Variants in MSR1 observed in about 807,000 individuals in gnomAD.
The protein encoded by MSR1 is macrophage scavenger receptor types I and II.
MSR1 carries 53 observed loss-of-function variants against 47.2 expected under a neutral mutation model. That is an observed-to-expected ratio of 1.12 (90% CI 0.90 to 1.41). The LOEUF (loss-of-function observed/expected upper bound fraction) is 1.41. Among genes scored for constraint, MSR1 ranks in the 40% most tolerant of loss-of-function variants. The probability of loss-of-function intolerance (pLI) is 0.00; values close to 1 mark genes in which losing one functional copy is unlikely to be tolerated. For synonymous variants in MSR1, 239 were observed against 185.6 expected (o/e 1.29, Z -2.34); for missense variants, 786 against 546.9 (o/e 1.44, Z -4.36).
chr8:16,140,880 C>T, intron 8 of MSR1: 1 of 1,603,604 alleles, frequency 6.2e-7, no homozygotes, highest in Non-Finnish European at 8.5e-7. Flanking sequence ...ACACGGGAAC[C>T]AAAGTCATTT....
intron 1 of MSR1, chr8:16,186,088 C>T: frequency 7.8e-7 from 1 of 1,287,204 alleles, no homozygotes; most frequent in South Asian, 1.3e-5. Context: ...TAAAACCTTG[C>T]AAGATTGGCA....
intron 4 of MSR1, among the ~76,000 whole-genome samples, chr8:16,166,013 T>C (rs969971358): frequency 3.3e-5 from 5 of 152,076 alleles, no homozygotes; most frequent in Non-Finnish European, 7.4e-5. Flanking sequence ...CTTGACTTAA[T>C]TTAGGGGGCT....
chr8:16,136,490 C>G (rs911838476), intron 8 of MSR1, among the ~76,000 whole-genome samples: 5 of 151,344 alleles, frequency 3.3e-5, no homozygotes, highest in Non-Finnish European at 5.9e-5. Flanking sequence ...TGGCATGTTT[C>G]ATTGTGATAA....
At chr8:16,189,750 T>C (rs1204575789) in intron 1 of MSR1, among the ~76,000 whole-genome samples, 12 of 86,582 alleles carry the variant, frequency 1.4e-4, no homozygotes, top group Non-Finnish European at 1.7e-4. Context: ...TAAAATCTTA[T>C]TTTATATATA....
intron 8 of MSR1, among the ~76,000 whole-genome samples, chr8:16,142,696 T>C (rs1020193583): frequency 1.3e-5 from 2 of 152,118 alleles, no homozygotes; most frequent in African/African-American, 4.8e-5. Context: ...ACTGCCAGAT[T>C]TTGGTACATA....
At chr8:16,179,654 T>A (rs1427484088) in intron 1 of MSR1, among the ~76,000 whole-genome samples, 2 of 151,774 alleles carry the variant, frequency 1.3e-5, no homozygotes, top group Admixed American at 1.3e-4. Context: ...CTGAGATGGG[T>A]GAATCACCTG....
chr8:16,170,126 G>T (rs958339165), intron 3 of MSR1, among the ~76,000 whole-genome samples: 4 of 152,080 alleles, frequency 2.6e-5, no homozygotes, highest in Admixed American at 1.3e-4. Context: ...CAGGGAGGTG[G>T]ATCCCCAGGT....
At chr8:16,140,687 G>A (rs752944131) in intron 8 of MSR1, 1 of 1,313,508 alleles carries the variant, frequency 7.6e-7, no homozygotes, top group Non-Finnish European at 9.7e-7. Flanking sequence ...TCAATGGGTG[G>A]CAGAGAACTG....
At chr8:16,178,529 C>G (rs1801728954) in intron 1 of MSR1, among the ~76,000 whole-genome samples, 1 of 152,056 alleles carries the variant, frequency 6.6e-6, no homozygotes, top group Middle Eastern at 3.2e-3. Flanking sequence ...GGTTCCAAGT[C>G]TTTGCTATTG....
chr8:16,187,727 T>G (rs1254079387), intron 1 of MSR1, among the ~76,000 whole-genome samples: 1 of 152,160 alleles, frequency 6.6e-6, no homozygotes, highest in African/African-American at 2.4e-5. Flanking sequence ...TCAAGAAAAC[T>G]TTGTGGTTCA....
chr8:16,189,540 T>A lies in MSR1; in HGVS notation c.-5+3058A>T, dbSNP rs868079057. ...ATAAAAAATCATATTTTATATATAT[T>A]TTATATATTTTATATATATGAAATC... On this transcript the variant is annotated intron_variant, in intron 1 of 9. Coordinates refer to ENST00000262101, the MANE Select transcript of MSR1 (RefSeq NM_138715.3). Among the ~76,000 whole-genome samples the A allele has an allele frequency of 0.019, 1,738 of 91,938 alleles. 247 individuals are homozygous for A. The East Asian group carries it at 0.23, about 12-fold the overall frequency. The allele number at this position is 91,938 out of a possible 152,430, so 60.3% of individuals were successfully genotyped here. A position where few individuals can be genotyped will look rare whatever the true frequency, so the allele number is the denominator to read the frequency against.
chr8:16,187,070 G>T (rs76111824), intron 1 of MSR1, among the ~76,000 whole-genome samples: 1 of 151,654 alleles, frequency 6.6e-6, no homozygotes, highest in African/African-American at 2.4e-5. Context: ...CACTCAGGCC[G>T]TCATTAAAGT....
At chr8:16,175,781 G>C (rs779778685) in intron 2 of MSR1, among the ~76,000 whole-genome samples, 3 of 152,020 alleles carry the variant, frequency 2.0e-5, no homozygotes, top group Non-Finnish European at 2.9e-5. Context: ...CTTCTCAATA[G>C]TTTTGTATCT....
intron 1 of MSR1, among the ~76,000 whole-genome samples, chr8:16,188,934 A>C (rs1189390127): frequency 2.0e-5 from 3 of 146,580 alleles, no homozygotes; most frequent in Non-Finnish European, 4.5e-5. Flanking sequence ...GGTTGGTTCC[A>C]AGTGTTTGCT....
rs537908617 is a variant in MSR1, at chr8:16,155,482, G to A, written c.818-338C>T. On this transcript the variant is annotated intron_variant, in intron 5 of 9. Coordinates refer to ENST00000262101, the MANE Select transcript of MSR1 (RefSeq NM_138715.3). ...ATTAGTGTTGTACGCATCCTAGGCA[G>A]TTAGACATAGAGTTAGATATAATAC... Among the ~76,000 whole-genome samples, 123 of 152,118 alleles carry A rather than the reference G, an allele frequency of 8.1e-4. 5 individuals carry two copies. The South Asian group carries it at 0.025, about 31-fold the overall frequency.
At chr8:16,113,106 C>T (rs955409338) in intron 9 of MSR1, among the ~76,000 whole-genome samples, 5 of 151,420 alleles carry the variant, frequency 3.3e-5, no homozygotes, top group South Asian at 2.1e-4. Context: ...TGCACCACCA[C>T]GCCCAGTTAA....
At chr8:16,128,819 T>C (rs946482863) in intron 8 of MSR1, among the ~76,000 whole-genome samples, 2 of 151,328 alleles carry the variant, frequency 1.3e-5, no homozygotes, top group Non-Finnish European at 2.9e-5. Flanking sequence ...CTTTAAAAGC[T>C]GATTTTTATT....
chr8:16,122,346 T>A (rs1800024180), intron 8 of MSR1, among the ~76,000 whole-genome samples: 1 of 152,152 alleles, frequency 6.6e-6, no homozygotes, highest in Admixed American at 6.5e-5. Context: ...AGAGACATGT[T>A]TTATTAACTA....
chr8:16,111,882 C>T (rs1031459995), intron 9 of MSR1, among the ~76,000 whole-genome samples: 31 of 152,194 alleles, frequency 2.0e-4, no homozygotes, highest in African/African-American at 7.2e-4. Flanking sequence ...GATTCTCACC[C>T]TGTATCCACC....
Sources: allele counts gnomAD v4.1 joint callset (sites outside exome capture counted in the v4.1 genomes callset), GRCh38; gene constraint gnomAD v4.1.1; transcripts MANE v1.5; gene names NCBI Gene and HGNC (gene_info 2026-07-23, HGNC 2026-07-21).